SMC5: variants seen among roughly 807,000 people sequenced by gnomAD.
The protein encoded by SMC5 is structural maintenance of chromosomes protein 5.
In SMC5, 88 loss-of-function variants were observed where a neutral mutation model predicts 148.3. The ratio of observed to expected loss-of-function variants is 0.59; its 90% confidence interval spans 0.50 to 0.71. The LOEUF (loss-of-function observed/expected upper bound fraction) is 0.71, where lower values mean the gene tolerates loss of function less well. SMC5 is among the 30% of genes least tolerant of loss of function. SMC5 has a pLI of 0.00. For synonymous variants in SMC5, 421 were observed against 432.8 expected (o/e 0.97, Z 0.34); for missense variants, 1,142 against 1,298.9 (o/e 0.88, Z 1.86).
At chr9:70,282,336 T>G in intron 6 of SMC5, 86 bp from the exon 7 acceptor site, 1 of 1,348,532 alleles carries the variant, frequency 7.4e-7, no homozygotes, top group Non-Finnish European at 9.9e-7. Context: ...TTTTCTTACA[T>G]TTGGTTTCTG....
At chr9:70,285,087 A>C (rs971880327) in intron 7 of SMC5, among the ~76,000 whole-genome samples, 1 of 152,202 alleles carries the variant, frequency 6.6e-6, no homozygotes, top group Non-Finnish European at 1.5e-5. Context: ...AGCATGTATG[A>C]TTTAAGCATA....
chr9:70,264,203 A>T (rs1172904468), intron 1 of SMC5, 101 bp from the exon 2 acceptor site: 2 of 988,872 alleles, frequency 2.0e-6, no homozygotes, highest in Non-Finnish European at 2.8e-6. Context: ...TTGTAAGGTT[A>T]GCTAGTTTTT....
rs139769362 is a variant in SMC5, at chr9:70,335,238, T to G, written c.2398-8906T>G. ...TGAGGGCAGTGGCTCATGCCTATAA[T>G]CCCAGCACTTTAGGAGGCCAAGGCA... On this transcript the variant is annotated intron_variant, in intron 17 of 24. Coordinates refer to ENST00000361138, the MANE Select transcript of SMC5 (RefSeq NM_015110.4). 8.6e-3 allele frequency among the ~76,000 whole-genome samples: 1,311 copies of G among 152,274 alleles called. 28 individuals are homozygous for G. The highest frequency in any genetic ancestry group is 0.069 in the South Asian group (334 of 4,824).
Position 70,267,539 on chromosome 9 carries a change from T to C in SMC5, c.328-384T>C, listed in dbSNP as rs144518356. Reference sequence around the variant, plus strand: ...AGCTTTGAGTGCTTAGTGGTTATACTATAGGACCTGTTTTCCCACAGGCAT... The same window carrying C: ...AGCTTTGAGTGCTTAGTGGTTATACCATAGGACCTGTTTTCCCACAGGCAT... On this transcript the variant is annotated intron_variant, in intron 2 of 24. Coordinates refer to ENST00000361138, the MANE Select transcript of SMC5 (RefSeq NM_015110.4). Among the ~76,000 whole-genome samples the C allele has an allele frequency of 1.4e-4, 22 of 152,328 alleles. No individual in the cohort carries two copies. In the East Asian group the frequency reaches 4.2e-3, roughly 29 times the overall value.
At chr9:70,314,213 C>T (rs2035735253) in intron 11 of SMC5, among the ~76,000 whole-genome samples, 1 of 152,144 alleles carries the variant, frequency 6.6e-6, no homozygotes, top group African/African-American at 2.4e-5. Context: ...AGAAAGACTG[C>T]AGCTTTCTAC....
intron 11 of SMC5, among the ~76,000 whole-genome samples, chr9:70,310,511 A>C (rs540191891): frequency 6.6e-6 from 1 of 152,332 alleles, no homozygotes; most frequent in Admixed American, 6.5e-5. Context: ...TTCAACTTAC[A>C]GAGCACGGGC....
chr9:70,305,932 T>C (rs1489938792), intron 11 of SMC5, among the ~76,000 whole-genome samples: 1 of 152,142 alleles, frequency 6.6e-6, no homozygotes, highest in East Asian at 1.9e-4. Context: ...CTAAATTTAG[T>C]TTTATGCTTC....
At chr9:70,323,761 T>C (rs1225094129) in intron 16 of SMC5, among the ~76,000 whole-genome samples, 155 bp downstream of exon 16, 1 of 152,214 alleles carries the variant, frequency 6.6e-6, no homozygotes, top group African/African-American at 2.4e-5. Context: ...GCTTGCTTAG[T>C]TGCTTGACAT....
Position 70,298,144 on chromosome 9 carries a change from A to G in SMC5, c.1232A>G (p.Gln411Arg), listed in dbSNP as rs1564040169. 3 of 1,614,104 alleles carry G rather than the reference A, an allele frequency of 1.9e-6. No homozygotes were observed. The highest frequency in any genetic ancestry group is 2.5e-6 in the Non-Finnish European group (3 of 1,179,946). The change falls in exon 9 of 25, where the codon CAG becomes CGG. Residue 411 changes from glutamine (Q) to arginine (R), a missense_variant. Gln to Arg is a conservative substitution (Grantham distance 43, BLOSUM62 1). This residue lies in a region of SMC5 where 743 missense variants were observed against 835.7 expected (regional missense o/e 0.89). Coordinates refer to ENST00000361138, the MANE Select transcript of SMC5 (RefSeq NM_015110.4). The part of the protein sequence containing the change: ...DAITNDLRRI[Q>R]DEKALCEGEI... ...ATTACAAATGATCTGAGACGGATTC[A>G]GGATGAAAAGGCATTATGTGAAGGC...
chr9:70,277,520 T>C (rs1206116518), intron 4 of SMC5, 48 bp downstream of exon 4: 1 of 1,468,446 alleles, frequency 6.8e-7, no homozygotes, highest in Non-Finnish European at 9.1e-7. Flanking sequence ...TATATAGTGT[T>C]TCCTTTTTAT....
chr9:70,259,255 G>T lies in SMC5; in HGVS notation c.177G>T (p.Glu59Asp). ...VEGSIVRISMENFLTYDICEV... is the reference protein window; with the variant it reads ...VEGSIVRISMDNFLTYDICEV... The stretch of plus-strand genomic sequence containing the variant: ...GCTCTATCGTCCGCATCTCGATGGA[G>T]AACTTCCTGTAAGTTGCCCGGAGGC... The change falls in exon 1 of 25, where the codon GAG (glutamate) becomes GAT (aspartate). Residue 59 changes from glutamate (E) to aspartate (D), a missense_variant. Around this residue, in one of 5 missense-constraint regions of SMC5, gnomAD observed 297 missense variants for 302.6 expected, o/e 0.98. Coordinates refer to ENST00000361138, the MANE Select transcript of SMC5 (RefSeq NM_015110.4). 1 of 1,585,348 alleles carries T rather than the reference G, an allele frequency of 6.3e-7. No homozygotes were observed. The highest frequency in any genetic ancestry group is 8.6e-7 in the Non-Finnish European group (1 of 1,164,904).
Position 70,305,306 on chromosome 9 carries a change from C to CTT in SMC5, c.1525_1526dup (p.Leu509PhefsTer2). On this transcript the variant is annotated frameshift_variant, in exon 11 of 25. Transcript: ENST00000361138. LOFTEE classifies it high-confidence loss of function. ...TTGAAAATCATATTCCATCAAATGA[C>CTT]TTAAGAGCCTTTGTATTTGAAAGTC... is the stretch of plus-strand genomic sequence containing the variant. The CTT allele has an allele frequency of 6.2e-7, 1 of 1,604,838 alleles. No individual in the cohort carries two copies.
chr9:70,302,785 G>A (rs993187413), intron 10 of SMC5, among the ~76,000 whole-genome samples: 4 of 152,282 alleles, frequency 2.6e-5, no homozygotes, highest in Non-Finnish European at 4.4e-5. Flanking sequence ...AGTCACTACT[G>A]GAACCACATA....
In SMC5 at chr9:70,354,733, A is replaced by G. The variant is rs1276688784; in HGVS notation, c.*2402A>G. 6.6e-6 allele frequency: 1 copy of G among 152,224 alleles called. No homozygotes were observed. Among genetic ancestry groups the G allele is most frequent in the East Asian group, 1.9e-4 (1 of 5,198 alleles). 9.4% of individuals were successfully genotyped at this position (152,224 alleles called of 1,614,324 possible). ...CTTGCTTTCTAATTGTCTTTTGGAC[A>G]CATGCCTATTTTCTTTGAGGTATAA... is the stretch of plus-strand genomic sequence containing the variant. On this transcript the variant is annotated 3_prime_UTR_variant, in exon 25 of 25. Transcript: ENST00000361138.
In SMC5 at chr9:70,277,624, A is replaced by C. The variant is rs560332260; in HGVS notation, c.543+152A>C. 99 of 554,834 alleles carry C rather than the reference A, an allele frequency of 1.8e-4. No homozygotes were observed. In the East Asian group the frequency reaches 2.6e-3, roughly 14 times the overall value. 34.4% of individuals were successfully genotyped at this position (554,834 alleles called of 1,614,324 possible). ...GGTAGCATTTCATCACTTAGAGTAT[A>C]ATGTTATTAATTTGTAGTAATTTGG... On this transcript the variant is annotated intron_variant, in intron 4 of 24. Coordinates refer to ENST00000361138, the MANE Select transcript of SMC5 (RefSeq NM_015110.4).
chr9:70,308,870 C>G (rs893751567), intron 11 of SMC5, among the ~76,000 whole-genome samples: 9 of 151,950 alleles, frequency 5.9e-5, no homozygotes, highest in Non-Finnish European at 1.0e-4. Context: ...TCCTGTGACA[C>G]TATTGAATTT....
At chr9:70,349,848 T>C (rs2036760747) in intron 22 of SMC5, among the ~76,000 whole-genome samples, 1 of 152,212 alleles carries the variant, frequency 6.6e-6, no homozygotes, top group Admixed American at 6.5e-5. Context: ...AATAGAATGG[T>C]ATAGAGGAGG....
intron 8 of SMC5, among the ~76,000 whole-genome samples, chr9:70,296,129 A>G (rs1242712407): frequency 1.3e-5 from 2 of 152,218 alleles, no homozygotes; most frequent in East Asian, 1.9e-4. Context: ...CCGCATTTCA[A>G]CAGGAGATGG....
chr9:70,306,116 A>G (rs920929103), intron 11 of SMC5, among the ~76,000 whole-genome samples: 10 of 152,220 alleles, frequency 6.6e-5, no homozygotes, highest in Admixed American at 2.0e-4. Flanking sequence ...TTAGCTATAT[A>G]TGACATTCTT....
Sources: gnomAD v4.1 joint callset for allele counts (sites outside exome capture counted in the v4.1 genomes callset) on GRCh38, gnomAD v4.1.1 for gene constraint, gnomAD v4.1.1 regional missense constraint, MANE v1.5 for transcripts, NCBI Gene and HGNC (gene_info 2026-07-23, HGNC 2026-07-21) for gene names.